Variants in APIP observed in about 807,000 individuals in gnomAD.
The protein encoded by APIP is APAF1 interacting protein.
A neutral mutation model predicts 32.0 loss-of-function variants in APIP; 32 were observed. The ratio of observed to expected loss-of-function variants is 1.00; its 90% CI spans 0.76 to 1.34. APIP has a LOEUF of 1.34. APIP is among the 40% of genes most tolerant of loss of function. The probability of loss-of-function intolerance (pLI) is 0.00; values close to 1 mark genes in which losing one functional copy is unlikely to be tolerated. For synonymous variants in APIP, 92 were observed against 94.8 expected, an observed-to-expected ratio of 0.97 and a Z score of 0.17; for missense variants, 247 against 298.6, an observed-to-expected ratio of 0.83 and a Z score of 1.27.
chr11:34,914,665 T>C (rs1853625816), intron 1 of APIP, among the ~76,000 whole-genome samples: 2 of 152,080 alleles, frequency 1.3e-5, no homozygotes, highest in Admixed American at 6.5e-5. Context: ...AATGTCACCA[T>C]GTGTTCTGAG....
intron 1 of APIP, among the ~76,000 whole-genome samples, chr11:34,914,622 C>T (rs528886158): frequency 1.1e-4 from 17 of 152,146 alleles, no homozygotes; most frequent in Middle Eastern, 3.4e-3. Context: ...CACTAGTAAC[C>T]GCAATCCAGA....
chr11:34,890,141 TTGC>T (rs1853161447), intron 3 of APIP, among the ~76,000 whole-genome samples: 1 of 152,148 alleles, frequency 6.6e-6, no homozygotes, highest in Non-Finnish European at 1.5e-5. Context: ...TAGAATAACT[TTGC>T]TATTAGGAAA....
At chr11:34,888,037 AT>A (rs1270515327) in intron 5 of APIP, among the ~76,000 whole-genome samples, 1 of 151,996 alleles carries the variant, frequency 6.6e-6, no homozygotes, top group Non-Finnish European at 1.5e-5. Context: ...CTCAGTCAAG[AT>A]TTTTTTCAGT....
At chr11:34,913,714 C>T (rs1379867877) in intron 1 of APIP, among the ~76,000 whole-genome samples, 6 of 152,158 alleles carry the variant, frequency 3.9e-5, no homozygotes, top group Admixed American at 3.9e-4. Flanking sequence ...GCTCTGGTGG[C>T]CAGCTTTTAT....
At chr11:34,882,854 AAAC>A (rs775415967) in intron 6 of APIP, 38 bp from the exon 7 acceptor site, 1 of 1,337,034 alleles carries the variant, frequency 7.5e-7, no homozygotes, top group South Asian at 1.2e-5. Context: ...GTGTTTATCG[AAAC>A]AGAGTTCTCC....
At chr11:34,914,334 GCTCA>G (rs1853614474) in intron 1 of APIP, among the ~76,000 whole-genome samples, 1 of 152,160 alleles carries the variant, frequency 6.6e-6, no homozygotes, top group Admixed American at 6.5e-5. Context: ...CATAGTAGGC[GCTCA>G]CTAAATATTC....
rs1225175212 is a variant in APIP, at chr11:34,888,851, A to T, written c.226T>A (p.Cys76Ser). 4.0e-6 allele frequency: 6 copies of T among 1,491,632 alleles called. No individual in the cohort carries two copies. The allele number at this position is 1,491,632 out of a possible 1,614,324, so 92.4% of individuals were successfully genotyped here. A position where few individuals can be genotyped will look rare whatever the true frequency, so the allele number is the denominator to read the frequency against. ...ERIQPEDMFV[C>S]DINEKDISGP... is the part of the protein sequence containing the mutation. ...CTTATGTCCTTTTCATTTATATCAC[A>T]AACAAACATGTCTTCAGGCTATTTA... is the stretch of plus-strand genomic sequence containing the variant. The change falls in exon 4 of 7, where the codon TGT becomes AGT. Residue 76 changes from cysteine to serine, a missense_variant. Transcript: ENST00000395787.
chr11:34,908,463 C>G (rs1853491268), intron 1 of APIP, among the ~76,000 whole-genome samples: 3 of 152,230 alleles, frequency 2.0e-5, no homozygotes, highest in African/African-American at 4.8e-5. Context: ...GCACTTGTCT[C>G]TCTATGCATC....
chr11:34,903,096 G>A (rs1411518335), intron 1 of APIP, among the ~76,000 whole-genome samples: 1 of 152,200 alleles, frequency 6.6e-6, no homozygotes, highest in Non-Finnish European at 1.5e-5. Context: ...TACATATCAG[G>A]CCCTGCTGTT....
chr11:34,916,013 G>A lies in APIP; in HGVS notation c.57+215C>T, dbSNP rs573823217. 8 of 621,486 alleles carry A rather than the reference G, an allele frequency of 1.3e-5. No individual in the cohort carries two copies. In the East Asian group the frequency reaches 1.8e-4, roughly 14 times the overall value. The allele number at this position is 621,486 out of a possible 1,614,324, so 38.5% of individuals were successfully genotyped here. On this transcript the variant is annotated intron_variant, in intron 1 of 6. Transcript: ENST00000395787. ...CGTTTGGCGCCCAGCTCCCGCCATC[G>A]GAGCGCCCCGCCCGAGACCACTGAT...
intron 2 of APIP, among the ~76,000 whole-genome samples, chr11:34,891,747 T>C (rs1346065855): frequency 1.3e-5 from 2 of 152,210 alleles, no homozygotes; most frequent in Non-Finnish European, 2.9e-5. Context: ...GTGGCTATTG[T>C]TTCCGAGTTC....
At chr11:34,896,748 A>C (rs1430317636) in intron 1 of APIP, 60 of 1,261,584 alleles carry the variant, frequency 4.8e-5, no homozygotes, top group Admixed American at 3.7e-4. Flanking sequence ...ACAACAAAGG[A>C]AAATGAGACT....
chr11:34,901,002 A>G (rs1289109572), intron 1 of APIP, among the ~76,000 whole-genome samples: 2 of 148,654 alleles, frequency 1.3e-5, no homozygotes, highest in African/African-American at 5.1e-5. Context: ...AGTTTATTAC[A>G]CAGGTAGCTC....
chr11:34,897,150 G>A (rs1275268561), intron 1 of APIP, among the ~76,000 whole-genome samples: 1 of 152,182 alleles, frequency 6.6e-6, no homozygotes, highest in Non-Finnish European at 1.5e-5. Context: ...TAGTGCTAAT[G>A]TTCTACTTAC....
chr11:34,889,328 A>T (rs1853146133), intron 3 of APIP, among the ~76,000 whole-genome samples: 1 of 152,012 alleles, frequency 6.6e-6, no homozygotes, highest in Admixed American at 6.6e-5. Context: ...GGGTGTTAAA[A>T]TTTTTTTCCC....
chr11:34,916,047 G>T, intron 1 of APIP, 181 bp downstream of exon 1: 1 of 754,130 alleles, frequency 1.3e-6, no homozygotes, highest in Non-Finnish European at 2.1e-6. Context: ...ATCTCCTGGG[G>T]CCTCGCAGCC....
chr11:34,885,482 G>T (rs148326015), intron 5 of APIP, among the ~76,000 whole-genome samples: 1,819 of 152,176 alleles, frequency 0.012, 29 homozygotes, highest in African/African-American at 0.041. Context: ...TGGAAGAAGA[G>T]GTCGGGGGCA....
intron 5 of APIP, among the ~76,000 whole-genome samples, chr11:34,886,555 T>C (rs1247781766): frequency 1.3e-5 from 2 of 152,204 alleles, no homozygotes; most frequent in African/African-American, 2.4e-5. Flanking sequence ...ATAAAGTCTA[T>C]AGTAGTGTAA....
At chr11:34,897,605 T>A (rs1169631640) in intron 1 of APIP, among the ~76,000 whole-genome samples, 1 of 152,088 alleles carries the variant, frequency 6.6e-6, no homozygotes, top group Non-Finnish European at 1.5e-5. Flanking sequence ...CAAAAACATT[T>A]CTTTTCTAGC....
Sources: allele counts gnomAD v4.1 joint callset (sites outside exome capture counted in the v4.1 genomes callset), GRCh38; gene constraint gnomAD v4.1.1; transcripts MANE v1.5; gene names NCBI Gene and HGNC (gene_info 2026-07-23, HGNC 2026-07-21).